STXBP6: variants seen among roughly 807,000 people sequenced by gnomAD.
STXBP6 encodes syntaxin-binding protein 6.
STXBP6 carries 21 observed loss-of-function variants against 26.9 expected under a neutral mutation model. The observed-to-expected ratio is 0.78, with a 90% confidence interval of 0.55 to 1.12. The LOEUF (loss-of-function observed/expected upper bound fraction) is 1.12, where lower values mean the gene tolerates loss of function less well. Ranked by LOEUF, STXBP6 falls within the 50% of genes most tolerant of loss-of-function variation. STXBP6 has a pLI of 0.00. For synonymous variants in STXBP6, 97 were observed against 92.6 expected (o/e 1.05, Z -0.27); for missense variants, 232 against 257.9 (o/e 0.90, Z 0.69).
At chr14:25,036,598 T>C (rs10133967) in intron 1 of STXBP6, among the ~76,000 whole-genome samples, 5,158 of 152,152 alleles carry the variant, frequency 0.034, 280 homozygotes, top group African/African-American at 0.12. Context: ...CTCACGCCTG[T>C]AATCATAGCA....
In STXBP6 at chr14:25,019,430, A is replaced by G. The variant is rs768258449; in HGVS notation, c.-33+30448T>C. On this transcript the variant is annotated intron_variant, in intron 1 of 5. Transcript: ENST00000323944. ...AGTAAATTACATAGACAAACAATAA[A>G]CACAAAAGAGTCAAAGAAAAGGACA... is the stretch of plus-strand genomic sequence containing the variant. 3.9e-5 allele frequency among the ~76,000 whole-genome samples: 6 copies of G among 152,202 alleles called. 1 individual carries two copies. The highest frequency in any genetic ancestry group is 7.3e-5 in the Non-Finnish European group (5 of 68,032).
At chr14:24,921,774 C>T (rs993937820) in intron 2 of STXBP6, among the ~76,000 whole-genome samples, 12 of 152,092 alleles carry the variant, frequency 7.9e-5, no homozygotes, top group Non-Finnish European at 1.8e-4. Context: ...CCTATTTTAA[C>T]CTATGTTATT....
At chr14:24,895,787 T>C (rs1241587) in intron 2 of STXBP6, among the ~76,000 whole-genome samples, 1 of 151,996 alleles carries the variant, frequency 6.6e-6, no homozygotes, top group Non-Finnish European at 1.5e-5. Context: ...CTTCCTTCAT[T>C]AGTTGTGTTA....
chr14:24,819,289 G>A, intron 4 of STXBP6, 95 bp from the exon 5 acceptor site: 1 of 1,452,866 alleles, frequency 6.9e-7, no homozygotes. Flanking sequence ...AGGAAGGCAG[G>A]TCACACTGCA....
chr14:24,876,680 C>CA (rs2070156663), intron 2 of STXBP6, among the ~76,000 whole-genome samples: 1 of 152,152 alleles, frequency 6.6e-6, no homozygotes, highest in South Asian at 2.1e-4. Flanking sequence ...ATTAGCAATT[C>CA]AGCTGCAGGG....
chr14:25,031,459 C>A (rs962896864), intron 1 of STXBP6, among the ~76,000 whole-genome samples: 1 of 152,102 alleles, frequency 6.6e-6, no homozygotes, highest in Non-Finnish European at 1.5e-5. Context: ...ATATCCAAAG[C>A]CTTTTCCTGC....
chr14:25,028,628 C>T (rs914668777), intron 1 of STXBP6, among the ~76,000 whole-genome samples: 1 of 152,152 alleles, frequency 6.6e-6, no homozygotes, highest in Non-Finnish European at 1.5e-5. Context: ...ATCCATTCTT[C>T]AGCCCATGGA....
At chr14:25,006,258 A>T (rs942141730) in intron 1 of STXBP6, among the ~76,000 whole-genome samples, 5 of 152,114 alleles carry the variant, frequency 3.3e-5, no homozygotes, top group African/African-American at 1.2e-4. Flanking sequence ...ACCTAACTCC[A>T]AAGGAGGCTG....
chr14:25,033,548 C>A (rs1192390901), intron 1 of STXBP6, among the ~76,000 whole-genome samples: 2 of 152,170 alleles, frequency 1.3e-5, no homozygotes, highest in African/African-American at 4.8e-5. Context: ...AGGGCTTCTG[C>A]CCCTTGCTCA....
rs57240083 is a variant in STXBP6, at chr14:24,882,378, CAAAAAAAAAAAAAAAAAAA to C, written c.155-25240_155-25222del. 3.3e-3 allele frequency among the ~76,000 whole-genome samples: 88 copies of C among 26,834 alleles called. 2 individuals carry two copies. The highest frequency in any genetic ancestry group is 0.012 in the African/African-American group (74 of 5,964). 17.6% of individuals were successfully genotyped at this position (26,834 alleles called of 152,430 possible). ...TGGGCGACAGAGCGAGACTCCGTCTCAAAAAAAAAAAAAAAAAAAAAAAAAAAAAAAAAAAAGAGGGGCT... is the reference window on the plus strand; with the variant it reads ...TGGGCGACAGAGCGAGACTCCGTCTCAAAAAAAAAAAAAAAAAGAGGGGCT... On this transcript the variant is annotated intron_variant, in intron 2 of 5. Transcript: ENST00000323944.
At chr14:24,881,791 G>A (rs1184102389) in intron 2 of STXBP6, among the ~76,000 whole-genome samples, 2 of 152,180 alleles carry the variant, frequency 1.3e-5, no homozygotes, top group African/African-American at 4.8e-5. Context: ...AAATGTAGCT[G>A]CCAAAAGGGT....
chr14:24,918,282 T>C (rs1196449851), intron 2 of STXBP6, among the ~76,000 whole-genome samples: 1 of 151,900 alleles, frequency 6.6e-6, no homozygotes, highest in African/African-American at 2.4e-5. Context: ...TATATTTCAA[T>C]AAAACTAGTC....
rs754283066 is a variant in STXBP6 at position 25,027,136 on chromosome 14, C to G, written c.-33+22742G>C. Among the ~76,000 whole-genome samples, 3 of 152,106 alleles carry G rather than the reference C, an allele frequency of 2.0e-5. No individual in the cohort carries two copies. In the East Asian group the frequency reaches 5.8e-4, roughly 29 times the overall value. ...GACTTGCTTCCATATCAAAATAGAACCCGTAATGCATAGATACAAGCATAG... is the reference window on the plus strand; with the variant it reads ...GACTTGCTTCCATATCAAAATAGAAGCCGTAATGCATAGATACAAGCATAG... On this transcript the variant is annotated intron_variant, in intron 1 of 5. Transcript: ENST00000323944.
chr14:24,958,840 A>G (rs928975140), intron 2 of STXBP6, among the ~76,000 whole-genome samples: 1 of 152,180 alleles, frequency 6.6e-6, no homozygotes, highest in Non-Finnish European at 1.5e-5. Context: ...CAAGGTAAAG[A>G]CCATTACTAT....
intron 4 of STXBP6, among the ~76,000 whole-genome samples, chr14:24,828,773 C>T (rs993335211): frequency 1.1e-4 from 17 of 152,104 alleles, no homozygotes; most frequent in African/African-American, 2.4e-4. Flanking sequence ...TTCTAGACAA[C>T]GTGACAAATT....
intron 5 of STXBP6, among the ~76,000 whole-genome samples, chr14:24,813,445 A>G (rs569040450): frequency 4.6e-5 from 7 of 152,220 alleles, no homozygotes; most frequent in Middle Eastern, 3.2e-3. Flanking sequence ...ATATGAAATT[A>G]AATTTGTCCT....
rs558696630 is a variant in STXBP6 at position 24,848,327 on chromosome 14, C to T, written c.451+7609G>A. Among the ~76,000 whole-genome samples the T allele has an allele frequency of 7.2e-5, 11 of 152,236 alleles. No individual in the cohort carries two copies. The South Asian group carries it at 2.3e-3, about 32-fold the overall frequency. Reference sequence around the variant, plus strand: ...CTTAAGCAGCTCAGATGAAGTTACACAGCTAATGAGTGATGCTGTCAAAGA... The same window carrying T: ...CTTAAGCAGCTCAGATGAAGTTACATAGCTAATGAGTGATGCTGTCAAAGA... On this transcript the variant is annotated intron_variant, in intron 4 of 5. Transcript: ENST00000323944.
rs186387978 is a variant in STXBP6 at position 24,951,958 on chromosome 14, T to C, written c.154+22707A>G. ...AAGCTAAAACCCAAGTAATATTTGA[T>C]ATTAAGGGATTTATTGTTGTGATAC... On this transcript the variant is annotated intron_variant, in intron 2 of 5. Transcript: ENST00000323944. Among the ~76,000 whole-genome samples the C allele has an allele frequency of 4.0e-3, 613 of 151,844 alleles. 3 individuals are homozygous for C. The highest frequency in any genetic ancestry group is 0.014 in the African/African-American group (571 of 41,516).
intron 1 of STXBP6, among the ~76,000 whole-genome samples, chr14:24,998,355 T>C (rs1158718078): frequency 6.6e-6 from 1 of 152,220 alleles, no homozygotes. Context: ...TTCTTACGCA[T>C]ATATTCTTAT....
Sources: gnomAD v4.1 joint callset for allele counts (sites outside exome capture counted in the v4.1 genomes callset) on GRCh38, gnomAD v4.1.1 for gene constraint, MANE v1.5 for transcripts, NCBI Gene and HGNC (gene_info 2026-07-23, HGNC 2026-07-21) for gene names.